ALKBH5: variants seen among roughly 807,000 people sequenced by gnomAD.
The protein encoded by ALKBH5 is alkB homolog 5, RNA demethylase.
A neutral mutation model predicts 32.1 loss-of-function variants in ALKBH5; 2 were observed. The ratio of observed to expected loss-of-function variants is 0.06; its 90% CI spans 0.03 to 0.20. ALKBH5 has a LOEUF of 0.20. Ranked by LOEUF, ALKBH5 falls within the 10% of genes least tolerant of loss-of-function variation. The pLI is 1.00. For missense variants in ALKBH5, 352 were observed against 559.5 expected (o/e 0.63, Z 3.74); for synonymous variants, 300 against 231.7 (o/e 1.29, Z -2.68).
chr17:18,185,814 ACAC>A (rs2047135868), intron 1 of ALKBH5, among the ~76,000 whole-genome samples: 2 of 152,206 alleles, frequency 1.3e-5, no homozygotes, highest in African/African-American at 4.8e-5. Flanking sequence ...GCCATTGGGA[ACAC>A]CTTTGCTGTT....
intron 2 of ALKBH5, among the ~76,000 whole-genome samples, chr17:18,203,804 A>G (rs540298704): frequency 3.0e-4 from 46 of 152,114 alleles, no homozygotes; most frequent in Non-Finnish European, 6.3e-4. Context: ...TAGGGAGGGC[A>G]GGAGCTTCTC....
In ALKBH5 at chr17:18,208,756, A is replaced by C; in HGVS notation, c.*360A>C. 2.8e-6 allele frequency: 1 copy of C among 359,810 alleles called. No individual in the cohort carries two copies. The highest frequency in any genetic ancestry group is 2.3e-5 in the South Asian group (1 of 43,110). The allele number at this position is 359,810 out of a possible 1,614,324, so 22.3% of individuals were successfully genotyped here. A position where few individuals can be genotyped will look rare whatever the true frequency, so the allele number is the denominator to read the frequency against. ...AGCAACAAAATGTTTTGGTTAAGAA[A>C]ATTATTTTGCTTTCAGTGTAAATCT... On this transcript the variant is annotated 3_prime_UTR_variant, in exon 4 of 4. Transcript: ENST00000399138.
Position 18,209,563 on chromosome 17 carries a change from C to A in ALKBH5, c.*1167C>A, listed in dbSNP as rs563569200. ...AGGTAAAGTCTTTGGTAGCTTCTAT[C>A]CACTCAGATCCTGGAAGGCAGCAAG... On this transcript the variant is annotated 3_prime_UTR_variant, in exon 4 of 4. Coordinates refer to ENST00000399138, the MANE Select transcript of ALKBH5 (RefSeq NM_017758.4). 12 of 152,220 alleles carry A rather than the reference C, an allele frequency of 7.9e-5. No individual in the cohort carries two copies. Among genetic ancestry groups the A allele is most frequent in the Non-Finnish European group, 1.6e-4 (11 of 68,048 alleles). The allele number at this position is 152,220 out of a possible 1,614,324, so 9.4% of individuals were successfully genotyped here.
Position 18,208,398 on chromosome 17 carries a change from T to A in ALKBH5, c.*2T>A. 1 of 1,612,058 alleles carries A rather than the reference T, an allele frequency of 6.2e-7. No individual in the cohort carries two copies. Among genetic ancestry groups the A allele is most frequent in the Non-Finnish European group, 8.5e-7 (1 of 1,179,162 alleles). On this transcript the variant is annotated 3_prime_UTR_variant, in exon 4 of 4. Coordinates refer to ENST00000399138, the MANE Select transcript of ALKBH5 (RefSeq NM_017758.4). ...AAGGTGAAGATGCGGCGGCACTGAG[T>A]CTACCCGCCGCCCTCCTGGGAACTC... is the stretch of plus-strand genomic sequence containing the variant.
chr17:18,195,045 T>TTGA lies in ALKBH5; in HGVS notation c.851+13_851+15dup, dbSNP rs766365804. On this transcript the variant is annotated intron_variant, in intron 2 of 3. Coordinates refer to ENST00000399138, the MANE Select transcript of ALKBH5 (RefSeq NM_017758.4). ...TCATCATCCTCAGGAAGTAAGTGCC[T>TTGA]TGATGTCTGACCTTCTGCCTCACCT... The TTGA allele has an allele frequency of 1.2e-6, 2 of 1,611,714 alleles. No homozygotes were observed. The highest frequency in any genetic ancestry group is 1.7e-6 in the Non-Finnish European group (2 of 1,179,204).
intron 2 of ALKBH5, among the ~76,000 whole-genome samples, chr17:18,206,204 C>G (rs1431248396): frequency 2.6e-5 from 4 of 152,164 alleles, no homozygotes; most frequent in Admixed American, 6.5e-5. Flanking sequence ...TTGGTGGGGA[C>G]TGTGCCTTCA....
chr17:18,199,737 G>A (rs558927078), intron 2 of ALKBH5, among the ~76,000 whole-genome samples: 2 of 152,214 alleles, frequency 1.3e-5, no homozygotes, highest in East Asian at 3.9e-4. Flanking sequence ...CACTTTGCCT[G>A]CCATTCCAAC....
rs769720160 is a variant in ALKBH5, at chr17:18,184,404, C to T, written c.161C>T (p.Ser54Phe). The T allele has an allele frequency of 2.6e-6, 4 of 1,568,308 alleles. No individual in the cohort carries two copies. Among genetic ancestry groups the T allele is most frequent in the Non-Finnish European group, 3.5e-6 (4 of 1,157,612 alleles). Reference sequence around the variant, plus strand: ...GCTGCCGCCGAACCTTACCCTGTGTCCGGGGCCAAGCGCAAGTATCAGGAG... The same window carrying T: ...GCTGCCGCCGAACCTTACCCTGTGTTCGGGGCCAAGCGCAAGTATCAGGAG... ...AAAAAEPYPV[S>F]GAKRKYQEDS... is the part of the protein sequence containing the mutation. The change falls in exon 1 of 4, where the codon TCC becomes TTC. Residue 54 changes from serine (S) to phenylalanine (F), a missense_variant. Ser to Phe is a radical substitution (Grantham distance 155). This residue lies in a region of ALKBH5 where 144 missense variants were observed against 125.8 expected (regional missense o/e 1.14). Transcript: ENST00000399138.
chr17:18,206,720 C>G, intron 2 of ALKBH5, 95 bp from the exon 3 acceptor site: 5 of 1,394,562 alleles, frequency 3.6e-6, no homozygotes, highest in Non-Finnish European at 5.0e-6. Context: ...CCAGGTCTAG[C>G]TGGCTCCCAC....
At chr17:18,185,045 C>CG (rs776745020) in intron 1 of ALKBH5, 32 bp downstream of exon 1, 1 of 1,585,416 alleles carries the variant, frequency 6.3e-7, no homozygotes, top group Non-Finnish European at 8.6e-7. Context: ...GGCGGCCCTG[C>CG]GCCTGCTGCC....
intron 1 of ALKBH5, among the ~76,000 whole-genome samples, chr17:18,187,021 C>T (rs1448168738): frequency 6.6e-6 from 1 of 152,150 alleles, no homozygotes; most frequent in Non-Finnish European, 1.5e-5. Flanking sequence ...CAGTGATCCC[C>T]TGCTCTCTCA....
At chr17:18,201,966 A>C (rs1372928998) in intron 2 of ALKBH5, among the ~76,000 whole-genome samples, 1 of 151,668 alleles carries the variant, frequency 6.6e-6, no homozygotes, top group African/African-American at 2.4e-5. Context: ...AGTGAGCTGT[A>C]ATCCCACCCG....
rs1259245458 is a variant in ALKBH5, at chr17:18,183,987, G to A, written c.-257G>A. 1.6e-6 allele frequency: 1 copy of A among 643,706 alleles called. No individual in the cohort carries two copies. The allele number at this position is 643,706 out of a possible 1,614,324, so 39.9% of individuals were successfully genotyped here. A position where few individuals can be genotyped will look rare whatever the true frequency, so the allele number is the denominator to read the frequency against. On this transcript the variant is annotated 5_prime_UTR_variant, in exon 1 of 4. Transcript: ENST00000399138. ...CCCTCCGCGGCATGAGGCGCTGCCG[G>A]CGCCCCTGCCCCGCGGGACGTGGAG...
At chr17:18,193,559 TTAAA>T (rs1007027570) in intron 1 of ALKBH5, among the ~76,000 whole-genome samples, 58 of 149,864 alleles carry the variant, frequency 3.9e-4, no homozygotes, top group African/African-American at 1.4e-3. Flanking sequence ...AAAAAAAAAA[TTAAA>T]TAAAATAAAG....
chr17:18,195,101 C>G, intron 2 of ALKBH5, 66 bp downstream of exon 2: 1 of 1,373,572 alleles, frequency 7.3e-7, no homozygotes, highest in Non-Finnish European at 1.0e-6. Context: ...AGCTCTGGGT[C>G]CACTTAGAAC....
chr17:18,193,058 A>G (rs1191849338), intron 1 of ALKBH5, among the ~76,000 whole-genome samples: 1 of 151,684 alleles, frequency 6.6e-6, no homozygotes, highest in Non-Finnish European at 1.5e-5. Context: ...GGGTTTCACC[A>G]TGTCGGCCAG....
At chr17:18,203,416 C>T (rs1415421495) in intron 2 of ALKBH5, among the ~76,000 whole-genome samples, 1 of 152,248 alleles carries the variant, frequency 6.6e-6, no homozygotes, top group Non-Finnish European at 1.5e-5. Flanking sequence ...CTACAGCCAT[C>T]CTTTGTTGTG....
Position 18,209,442 on chromosome 17 carries a change from AGGC to A in ALKBH5, c.*1047_*1049del, listed in dbSNP as rs1223750018. ...CTTGTCTGCCGGCAGCATGCATCCA[AGGC>A]CAGAGCTCAGGCCTGCAGACTGGGC... On this transcript the variant is annotated 3_prime_UTR_variant, in exon 4 of 4. Transcript: ENST00000399138. 2 of 152,486 alleles carry A rather than the reference AGGC, an allele frequency of 1.3e-5. No individual in the cohort carries two copies. The highest frequency in any genetic ancestry group is 3.9e-4 in the East Asian group (2 of 5,188). 9.4% of individuals were successfully genotyped at this position (152,486 alleles called of 1,614,324 possible).
intron 2 of ALKBH5, among the ~76,000 whole-genome samples, chr17:18,195,523 G>A (rs971561828): frequency 4.6e-5 from 7 of 152,164 alleles, no homozygotes; most frequent in African/African-American, 1.7e-4. Flanking sequence ...CATGGCTTGT[G>A]GCTCTTCTCT....
Sources: gnomAD v4.1 joint callset for allele counts (sites outside exome capture counted in the v4.1 genomes callset) on GRCh38, gnomAD v4.1.1 for gene constraint, gnomAD v4.1.1 regional missense constraint, MANE v1.5 for transcripts, NCBI Gene and HGNC (gene_info 2026-07-23, HGNC 2026-07-21) for gene names.